PDE4D: variants seen among roughly 807,000 people sequenced by gnomAD.
PDE4D encodes the protein phosphodiesterase 4D, also known as 3',5'-cyclic-AMP phosphodiesterase 4D.
PDE4D carries 24 observed loss-of-function variants against 87.4 expected under a neutral mutation model. The observed-to-expected ratio is 0.27, with a 90% CI of 0.20 to 0.39. The LOEUF (loss-of-function observed/expected upper bound fraction) is 0.39, where lower values mean the gene tolerates loss of function less well. Ranked by LOEUF, PDE4D falls within the 10% of genes least tolerant of loss-of-function variation. The pLI is 1.00. For synonymous variants in PDE4D, 384 were observed against 383.2 expected (o/e 1.00, Z -0.02); for missense variants, 714 against 1,041.0 (o/e 0.69, Z 4.32).
rs35340734 is a variant in PDE4D at position 60,193,669 on chromosome 5, C to CAAAA, written c.-89-7986_-89-7983dup. 9.5e-3 allele frequency among the ~76,000 whole-genome samples: 423 copies of CAAAA among 44,620 alleles called. 12 individuals are homozygous for CAAAA. Among genetic ancestry groups the CAAAA allele is most frequent in the African/African-American group, 0.023 (288 of 12,396 alleles). The allele number at this position is 44,620 out of a possible 152,430, so 29.3% of individuals were successfully genotyped here. ...CCTGGGCGACAGCGAGACTCCGTCT[C>CAAAA]AAAAAAAAAAAAAAAAAAAAAAAGA... On this transcript the variant is annotated intron_variant, in intron 1 of 16. Coordinates refer to the PDE4D transcript ENST00000502484.
At chr5:60,042,302 G>T (rs1307590886) in intron 2 of PDE4D, among the ~76,000 whole-genome samples, 7 of 152,196 alleles carry the variant, frequency 4.6e-5, no homozygotes, top group African/African-American at 1.7e-4. Flanking sequence ...CCCAGTCAGG[G>T]GCTTATAGAT....
chr5:59,807,570 G>A (rs1321211296), intron 1 of PDE4D, among the ~76,000 whole-genome samples: 1 of 152,160 alleles, frequency 6.6e-6, no homozygotes, highest in African/African-American at 2.4e-5. Context: ...CAGAGCGGGT[G>A]GCCCTTTCCC....
At chr5:60,468,260 T>A (rs1349976098) in intron 1 of PDE4D, among the ~76,000 whole-genome samples, 1 of 151,334 alleles carries the variant, frequency 6.6e-6, no homozygotes, top group Non-Finnish European at 1.5e-5. Flanking sequence ...CACCTCAGCC[T>A]CCTGAGTACC....
At chr5:59,652,463 G>A (rs983815848) in intron 1 of PDE4D, among the ~76,000 whole-genome samples, 7 of 152,120 alleles carry the variant, frequency 4.6e-5, no homozygotes, top group African/African-American at 1.4e-4. Context: ...ATATGTTTGC[G>A]TTGTGTGCTC....
intron 2 of PDE4D, among the ~76,000 whole-genome samples, chr5:60,109,920 G>T (rs1272806596): frequency 6.6e-6 from 1 of 151,132 alleles, no homozygotes; most frequent in South Asian, 2.1e-4. Context: ...TAAATGATGA[G>T]TTAATGGGTG....
At chr5:59,047,904 A>G (rs1760961050) in intron 5 of PDE4D, among the ~76,000 whole-genome samples, 1 of 152,210 alleles carries the variant, frequency 6.6e-6, no homozygotes, top group Non-Finnish European at 1.5e-5. Context: ...TGCAACCCTG[A>G]AGATGCCCTC....
intron 1 of PDE4D, among the ~76,000 whole-genome samples, chr5:59,391,523 C>A (rs1277378959): frequency 6.6e-6 from 1 of 152,184 alleles, no homozygotes; most frequent in Non-Finnish European, 1.5e-5. Context: ...CTGCTTCTCA[C>A]TGATCTCTCT....
At chr5:58,976,326 G>T (rs181128611) in intron 13 of PDE4D, 24 bp downstream of exon 13, 2 of 1,610,614 alleles carry the variant, frequency 1.2e-6, no homozygotes, top group East Asian at 4.5e-5. Flanking sequence ...CACACACACA[G>T]AGCAAACTCA....
intron 1 of PDE4D, among the ~76,000 whole-genome samples, chr5:59,658,170 C>A (rs1466489450): frequency 6.6e-6 from 1 of 151,972 alleles, no homozygotes; most frequent in Non-Finnish European, 1.5e-5. Context: ...ATAAGGATAA[C>A]AAATTTTTAA....
chr5:59,420,998 T>A lies in PDE4D; in HGVS notation c.456-205030A>T, dbSNP rs116762304. 3.7e-3 allele frequency among the ~76,000 whole-genome samples: 557 copies of A among 152,294 alleles called. 5 individuals carry two copies. The highest frequency in any genetic ancestry group is 0.012 in the African/African-American group (515 of 41,578). On this transcript the variant is annotated intron_variant, in intron 1 of 14. Coordinates refer to ENST00000340635, the MANE Select transcript of PDE4D (RefSeq NM_001104631.2). ...TGAGACCTCCGTACGCGTATGTGTT[T>A]GTGTATTTCTAACTTTTGCCTGAAT...
At chr5:59,674,076 TA>T (rs1195835454) in intron 1 of PDE4D, among the ~76,000 whole-genome samples, 1 of 152,156 alleles carries the variant, frequency 6.6e-6, no homozygotes, top group African/African-American at 2.4e-5. Flanking sequence ...CCTAAATTGT[TA>T]AATATTTAAA....
intron 1 of PDE4D, among the ~76,000 whole-genome samples, chr5:60,430,453 C>G (rs909009540): frequency 6.6e-6 from 1 of 151,720 alleles, no homozygotes; most frequent in African/African-American, 2.4e-5. Flanking sequence ...GCATGCCATT[C>G]CCCCAGATAT....
chr5:59,725,160 C>T (rs980365421), intron 1 of PDE4D, among the ~76,000 whole-genome samples: 3 of 151,884 alleles, frequency 2.0e-5, no homozygotes, highest in Non-Finnish European at 4.4e-5. Context: ...CTGGTTTGCC[C>T]GGGGGGGATA....
At chr5:59,616,945 A>ATATATATATATATATATATATCTC in intron 1 of PDE4D, among the ~76,000 whole-genome samples, 1 of 137,278 alleles carries the variant, frequency 7.3e-6, no homozygotes, top group East Asian at 2.2e-4. Flanking sequence ...ATATATATAT[A>ATATATATATATATATATATATCTC]TCTCCAAGAT....
chr5:60,187,924 T>C (rs1044655953), intron 1 of PDE4D, among the ~76,000 whole-genome samples: 7 of 152,210 alleles, frequency 4.6e-5, no homozygotes, highest in Non-Finnish European at 8.8e-5. Flanking sequence ...AATACACATA[T>C]GTGTTTTCAA....
intron 5 of PDE4D, among the ~76,000 whole-genome samples, chr5:59,123,480 C>T (rs532947746): frequency 5.3e-4 from 81 of 152,194 alleles, no homozygotes; most frequent in African/African-American, 1.8e-3. Flanking sequence ...CATAATTTTG[C>T]TAAACATCTC....
intron 1 of PDE4D, among the ~76,000 whole-genome samples, chr5:59,807,888 C>T (rs1767920342): frequency 6.6e-6 from 1 of 152,146 alleles, no homozygotes; most frequent in Non-Finnish European, 1.5e-5. Context: ...AAGCAGCCTG[C>T]TCTGAGCCCT....
At chr5:60,323,887 G>A (rs905605613) in intron 1 of PDE4D, among the ~76,000 whole-genome samples, 1 of 149,252 alleles carries the variant, frequency 6.7e-6, no homozygotes, top group Non-Finnish European at 1.5e-5. Flanking sequence ...TCTTTACCTA[G>A]TTAATGCCTA....
At chr5:59,796,207 T>C (rs1410855648) in intron 1 of PDE4D, among the ~76,000 whole-genome samples, 1 of 152,176 alleles carries the variant, frequency 6.6e-6, no homozygotes, top group African/African-American at 2.4e-5. Context: ...TTCTAGATTA[T>C]AGGAGTCACT....
Sources: allele counts gnomAD v4.1 joint callset (sites outside exome capture counted in the v4.1 genomes callset), GRCh38; gene constraint gnomAD v4.1.1; transcripts MANE v1.5; gene names NCBI Gene and HGNC (gene_info 2026-07-23, HGNC 2026-07-21).